Variants in ATP8B4 observed in about 807,000 individuals in gnomAD.
ATP8B4 encodes probable phospholipid-transporting ATPase IM.
A neutral mutation model predicts 145.6 loss-of-function variants in ATP8B4; 133 were observed. The ratio of observed to expected loss-of-function variants is 0.91; its 90% CI spans 0.79 to 1.05. ATP8B4 has a LOEUF of 1.05. Among genes scored for constraint, ATP8B4 ranks in the 50% least tolerant of loss-of-function variants. The probability of loss-of-function intolerance (pLI) is 0.00; values close to 1 mark genes in which losing one functional copy is unlikely to be tolerated. For missense variants in ATP8B4, 1,458 were observed against 1,425.2 expected, an observed-to-expected ratio of 1.02 and a Z score of -0.37; for synonymous variants, 507 against 492.9, an observed-to-expected ratio of 1.03 and a Z score of -0.38.
At chr15:49,980,673 A>G (rs796381884) in intron 11 of ATP8B4, among the ~76,000 whole-genome samples, 42 of 152,338 alleles carry the variant, frequency 2.8e-4, no homozygotes, top group African/African-American at 8.2e-4. Flanking sequence ...AAGGATTTAT[A>G]ACCAGAACCA....
At chr15:49,969,971 G>C (rs1407071539) in intron 13 of ATP8B4, among the ~76,000 whole-genome samples, 1 of 152,232 alleles carries the variant, frequency 6.6e-6, no homozygotes, top group South Asian at 2.1e-4. Flanking sequence ...TTCAACATAT[G>C]CAAACCAATA....
intron 16 of ATP8B4, among the ~76,000 whole-genome samples, chr15:49,925,518 T>C (rs1345724732): frequency 6.6e-6 from 1 of 152,190 alleles, no homozygotes; most frequent in African/African-American, 2.4e-5. Flanking sequence ...TAAGGTTCCC[T>C]GGACCACACA....
intron 6 of ATP8B4, among the ~76,000 whole-genome samples, chr15:50,015,297 G>C (rs1043562553): frequency 3.3e-5 from 5 of 152,138 alleles, no homozygotes; most frequent in African/African-American, 1.2e-4. Flanking sequence ...TCCATTTTAC[G>C]TTCTTTTGTA....
At chr15:50,088,721 G>C (rs1461925731) in intron 2 of ATP8B4, among the ~76,000 whole-genome samples, 1 of 152,134 alleles carries the variant, frequency 6.6e-6, no homozygotes, top group Non-Finnish European at 1.5e-5. Flanking sequence ...CAGGTTGAGG[G>C]CTTTTTACTT....
chr15:50,074,313 G>A, intron 2 of ATP8B4, 128 bp from the exon 3 acceptor site: 1 of 791,470 alleles, frequency 1.3e-6, no homozygotes, highest in Non-Finnish European at 2.0e-6. Context: ...CAAATTTGAA[G>A]GTATTGGCTT....
intron 12 of ATP8B4, 82 bp from the exon 13 acceptor site, chr15:49,972,872 C>G: frequency 7.2e-7 from 1 of 1,383,514 alleles, no homozygotes; most frequent in Non-Finnish European, 9.8e-7. Flanking sequence ...AATAAGAAGT[C>G]TGCCAAAGTC....
chr15:50,133,348 G>C (rs2044074393), intron 1 of ATP8B4, among the ~76,000 whole-genome samples: 1 of 152,102 alleles, frequency 6.6e-6, no homozygotes, highest in African/African-American at 2.4e-5. Flanking sequence ...GGAAGCAAAG[G>C]CAGGAGGATT....
At chr15:50,095,844 C>T (rs1447423436) in intron 2 of ATP8B4, among the ~76,000 whole-genome samples, 1 of 152,014 alleles carries the variant, frequency 6.6e-6, no homozygotes, top group Non-Finnish European at 1.5e-5. Context: ...AAATATTCAT[C>T]AGCGCTATAG....
intron 25 of ATP8B4, among the ~76,000 whole-genome samples, chr15:49,869,832 T>C (rs1487723818): frequency 1.3e-5 from 2 of 152,210 alleles, no homozygotes; most frequent in East Asian, 1.9e-4. Flanking sequence ...GCTCTTTTTT[T>C]AGCTTAAATT....
intron 2 of ATP8B4, among the ~76,000 whole-genome samples, chr15:50,094,306 T>G (rs1023675941): frequency 6.6e-6 from 1 of 152,106 alleles, no homozygotes; most frequent in Non-Finnish European, 1.5e-5. Flanking sequence ...AGTTTTTTCT[T>G]GCCTTCAGAC....
intron 20 of ATP8B4, 72 bp downstream of exon 20, chr15:49,916,862 C>G: frequency 1.4e-6 from 2 of 1,408,632 alleles, no homozygotes; most frequent in South Asian, 1.2e-5. Flanking sequence ...TTTTCACTTT[C>G]TCAACTCTCT....
intron 1 of ATP8B4, among the ~76,000 whole-genome samples, chr15:50,172,995 C>G (rs1447529057): frequency 6.7e-6 from 1 of 150,130 alleles, no homozygotes; most frequent in Non-Finnish European, 1.5e-5. Flanking sequence ...CGGCCAGCCG[C>G]CCCGTCCGGG....
chr15:49,946,695 C>T (rs944221890), intron 14 of ATP8B4, among the ~76,000 whole-genome samples: 1 of 152,086 alleles, frequency 6.6e-6, no homozygotes, highest in Non-Finnish European at 1.5e-5. Flanking sequence ...ATTATACCCT[C>T]CTTGCCCAGG....
chr15:50,053,464 T>C (rs1567271966), intron 3 of ATP8B4, among the ~76,000 whole-genome samples: 1 of 152,256 alleles, frequency 6.6e-6, no homozygotes, highest in Non-Finnish European at 1.5e-5. Context: ...TGCCACTTTC[T>C]TACCAAAGGA....
chr15:49,919,151 A>G (rs2153453306), intron 18 of ATP8B4, among the ~76,000 whole-genome samples: 1 of 152,348 alleles, frequency 6.6e-6, no homozygotes, highest in South Asian at 2.1e-4. Context: ...AATCAAGCCA[A>G]CTTAGCAGAG....
At chr15:49,864,359 A>G (rs1016787952) in intron 26 of ATP8B4, among the ~76,000 whole-genome samples, 1 of 152,216 alleles carries the variant, frequency 6.6e-6, no homozygotes, top group African/African-American at 2.4e-5. Context: ...TGCTTTCTAC[A>G]TAAATTAGTC....
At position 49,935,834 on chromosome 15, in the gene ATP8B4, C is replaced by A. The variant is rs58963546; in HGVS notation, c.1288-1652G>T. Among the ~76,000 whole-genome samples, 9 of 152,146 alleles carry A rather than the reference C, an allele frequency of 5.9e-5. No homozygotes were observed. The East Asian group carries it at 1.5e-3, about 26-fold the overall frequency. ...CTTTTTCCAAAAATATAGGCATATCCAGTTTAATTTCCTTAATGATTATTT... is the reference window on the plus strand; with the variant it reads ...CTTTTTCCAAAAATATAGGCATATCAAGTTTAATTTCCTTAATGATTATTT... On this transcript the variant is annotated intron_variant, in intron 14 of 27. Transcript: ENST00000284509.
At chr15:50,079,153 T>C (rs138754651) in intron 2 of ATP8B4, among the ~76,000 whole-genome samples, 243 of 152,290 alleles carry the variant, frequency 1.6e-3, no homozygotes, top group Non-Finnish European at 2.3e-3. Context: ...ATGATTATTA[T>C]ATACTCCATG....
chr15:49,989,263 C>G (rs1164870840), intron 9 of ATP8B4, among the ~76,000 whole-genome samples: 2 of 152,106 alleles, frequency 1.3e-5, no homozygotes, highest in Admixed American at 1.3e-4. Flanking sequence ...AATTCAGTAT[C>G]TTTTTTTCTT....
Sources: gnomAD v4.1 joint callset for allele counts (sites outside exome capture counted in the v4.1 genomes callset) on GRCh38, gnomAD v4.1.1 for gene constraint, MANE v1.5 for transcripts, NCBI Gene and HGNC (gene_info 2026-07-23, HGNC 2026-07-21) for gene names.